XKR9: variants seen among roughly 807,000 people sequenced by gnomAD.
The protein encoded by XKR9 is XK-related protein 9.
XKR9 carries 32 observed loss-of-function variants against 32.0 expected under a neutral mutation model. The observed-to-expected ratio is 1.00, with a 90% CI of 0.76 to 1.34. XKR9 has a LOEUF of 1.34. Among genes scored for constraint, XKR9 ranks in the 40% most tolerant of loss-of-function variants. The pLI is 0.00. For missense variants in XKR9, 546 were observed against 429.7 expected (o/e 1.27, Z -2.39); for synonymous variants, 168 against 143.4 (o/e 1.17, Z -1.22).
chr8:70,696,503 C>T (rs1251685900), intron 3 of XKR9, among the ~76,000 whole-genome samples: 1 of 149,418 alleles, frequency 6.7e-6, no homozygotes, highest in Non-Finnish European at 1.5e-5. Flanking sequence ...AGATATGCGG[C>T]GTTATTTCTG....
At chr8:71,032,290 A>AC in the XKR9 span, among the ~76,000 whole-genome samples, 2 of 148,986 alleles carry the variant, frequency 1.3e-5, no homozygotes. Context: ...TCAAAAAAAA[A>AC]AAAAAAAAAA....
the XKR9 span, among the ~76,000 whole-genome samples, chr8:71,007,593 G>T: frequency 6.6e-6 from 1 of 151,444 alleles, no homozygotes; most frequent in East Asian, 1.9e-4. Context: ...AAATAAAAGG[G>T]GTCAAAGGTG....
chr8:70,878,569 T>A, the XKR9 span, among the ~76,000 whole-genome samples: 2 of 152,142 alleles, frequency 1.3e-5, no homozygotes, highest in Non-Finnish European at 2.9e-5. Flanking sequence ...GACCACTACA[T>A]AATGGTAAAG....
downstream of XKR9, among the ~76,000 whole-genome samples, chr8:70,792,801 A>G (rs1807780973): frequency 6.6e-6 from 1 of 152,126 alleles, no homozygotes; most frequent in African/African-American, 2.4e-5. Context: ...CTCCTTATAA[A>G]AGACACCCCA....
the XKR9 span, among the ~76,000 whole-genome samples, chr8:70,843,376 T>G: frequency 6.6e-6 from 1 of 152,228 alleles, no homozygotes; most frequent in African/African-American, 2.4e-5. Context: ...ACTCCTGTTT[T>G]TTACAGAAAT....
the XKR9 span, among the ~76,000 whole-genome samples, chr8:71,045,875 G>T: frequency 6.6e-6 from 1 of 152,178 alleles, no homozygotes; most frequent in Non-Finnish European, 1.5e-5. Context: ...ATGGTAGTAG[G>T]TGTCAGGCAT....
At chr8:70,920,316 G>A in the XKR9 span, among the ~76,000 whole-genome samples, 1 of 152,008 alleles carries the variant, frequency 6.6e-6, no homozygotes, top group Admixed American at 6.6e-5. Flanking sequence ...ACAAAATTTA[G>A]TCAATAATAT....
At chr8:71,002,981 A>T in the XKR9 span, among the ~76,000 whole-genome samples, 1 of 152,240 alleles carries the variant, frequency 6.6e-6, no homozygotes, top group Non-Finnish European at 1.5e-5. Flanking sequence ...AGGAGATGAC[A>T]TTCACATTCA....
At chr8:70,718,173 A>G (rs748383416) in intron 4 of XKR9, among the ~76,000 whole-genome samples, 9 of 152,170 alleles carry the variant, frequency 5.9e-5, no homozygotes, top group Non-Finnish European at 1.3e-4. Flanking sequence ...AAACTATCCC[A>G]CATTTTCCTA....
the XKR9 span, among the ~76,000 whole-genome samples, chr8:71,064,988 T>A: frequency 6.6e-6 from 1 of 152,188 alleles, no homozygotes; most frequent in African/African-American, 2.4e-5. Context: ...CTATATGACC[T>A]TGGGCCAGCC....
At chr8:70,731,073 G>A (rs1344209159) in intron 4 of XKR9, among the ~76,000 whole-genome samples, 1 of 152,154 alleles carries the variant, frequency 6.6e-6, no homozygotes, top group Non-Finnish European at 1.5e-5. Flanking sequence ...GGCTTTAAAA[G>A]CAGCCTTATA....
chr8:70,680,026 A>G (rs1459989774), intron 2 of XKR9, among the ~76,000 whole-genome samples: 1 of 152,012 alleles, frequency 6.6e-6, no homozygotes, highest in African/African-American at 2.4e-5. Flanking sequence ...AAAAAAATGT[A>G]GCAGTATAGA....
downstream of XKR9, among the ~76,000 whole-genome samples, chr8:70,792,602 T>C (rs780288354): frequency 2.6e-5 from 4 of 152,080 alleles, no homozygotes; most frequent in Non-Finnish European, 5.9e-5. Context: ...CAGTTAGTGC[T>C]AGACAGGGCT....
At chr8:70,902,221 T>A in the XKR9 span, among the ~76,000 whole-genome samples, 2 of 152,352 alleles carry the variant, frequency 1.3e-5, no homozygotes, top group African/African-American at 4.8e-5. Flanking sequence ...GGGATGGCAT[T>A]GAATCTATAA....
the XKR9 span, among the ~76,000 whole-genome samples, chr8:70,860,145 C>A: frequency 6.6e-6 from 1 of 152,162 alleles, no homozygotes; most frequent in Admixed American, 6.6e-5. Context: ...ATTACCCTGA[C>A]AAACCCCTAT....
intron 4 of XKR9, among the ~76,000 whole-genome samples, chr8:70,708,567 A>G (rs1805803417): frequency 6.6e-6 from 1 of 152,118 alleles, no homozygotes; most frequent in Admixed American, 6.6e-5. Flanking sequence ...ATAACGTAGA[A>G]TGTAGGCAAA....
the XKR9 span, among the ~76,000 whole-genome samples, chr8:71,019,409 G>T: frequency 1.3e-5 from 2 of 152,174 alleles, no homozygotes; most frequent in Non-Finnish European, 2.9e-5. Flanking sequence ...AAAATATTCA[G>T]AATTACAGTC....
chr8:70,974,401 C>G, the XKR9 span, among the ~76,000 whole-genome samples: 1 of 152,134 alleles, frequency 6.6e-6, no homozygotes, highest in South Asian at 2.1e-4. Context: ...GATCCCACCA[C>G]CCCATGACAG....
chr8:70,731,385 T>C (rs1300409155), intron 4 of XKR9, among the ~76,000 whole-genome samples: 2 of 152,032 alleles, frequency 1.3e-5, no homozygotes, highest in East Asian at 1.9e-4. Flanking sequence ...TCCAGAAGAA[T>C]GGAGCAACTT....
Sources: gnomAD v4.1 joint callset for allele counts (sites outside exome capture counted in the v4.1 genomes callset) on GRCh38, gnomAD v4.1.1 for gene constraint, MANE v1.5 for transcripts, NCBI Gene and HGNC (gene_info 2026-07-23, HGNC 2026-07-21) for gene names.